The following SLC10A7 variants were observed in gnomAD, a reference collection of about 807,000 sequenced individuals.
SLC10A7 encodes sodium/bile acid cotransporter 7.
In SLC10A7, 29 loss-of-function variants were observed where a neutral mutation model predicts 43.2. The observed-to-expected ratio is 0.67, with a 90% CI of 0.50 to 0.92. The LOEUF is 0.92. SLC10A7 is among the 40% of genes least tolerant of loss of function. The pLI is 0.00. For missense variants in SLC10A7, 295 were observed against 403.2 expected (o/e 0.73, Z 2.30); for synonymous variants, 152 against 144.8 (o/e 1.05, Z -0.35).
At chr4:146,353,162 A>T (rs1223334821) in intron 5 of SLC10A7, among the ~76,000 whole-genome samples, 139 of 128,338 alleles carry the variant, frequency 1.1e-3, no homozygotes, top group African/African-American at 3.8e-3. Flanking sequence ...AGAAAAAAAG[A>T]GAGAAGAATC....
chr4:146,357,855 T>C (rs1735764779), intron 5 of SLC10A7, among the ~76,000 whole-genome samples: 1 of 152,142 alleles, frequency 6.6e-6, no homozygotes, highest in South Asian at 2.1e-4. Context: ...AAGTTCTTCC[T>C]TGGCCAGGCA....
intron 4 of SLC10A7, among the ~76,000 whole-genome samples, chr4:146,464,319 CAT>C (rs756851685): frequency 4.6e-5 from 7 of 152,092 alleles, no homozygotes; most frequent in Admixed American, 3.3e-4. Context: ...TTTCATTAAA[CAT>C]ATGTGCAGAT....
At chr4:146,279,382 A>C (rs1270246557) in intron 10 of SLC10A7, among the ~76,000 whole-genome samples, 1 of 152,210 alleles carries the variant, frequency 6.6e-6, no homozygotes, top group Non-Finnish European at 1.5e-5. Flanking sequence ...TGCCAATTCT[A>C]CAGGATATCT....
chr4:146,294,348 C>T (rs770993832), intron 7 of SLC10A7, among the ~76,000 whole-genome samples: 3 of 152,146 alleles, frequency 2.0e-5, no homozygotes, highest in Non-Finnish European at 4.4e-5. Context: ...CTTAATCATG[C>T]CAAATGCTCT....
At chr4:146,292,422 G>GA (rs1013243364) in intron 9 of SLC10A7, among the ~76,000 whole-genome samples, 10 of 149,172 alleles carry the variant, frequency 6.7e-5, no homozygotes, top group African/African-American at 2.2e-4. Context: ...TCGGGAAATT[G>GA]AAAAAAAAAT....
intron 5 of SLC10A7, among the ~76,000 whole-genome samples, chr4:146,422,243 G>T (rs936928707): frequency 6.6e-6 from 1 of 152,092 alleles, no homozygotes; most frequent in Admixed American, 6.6e-5. Context: ...TACAAAAAAA[G>T]AAATTTTTCC....
chr4:146,509,822 A>T, intron 3 of SLC10A7, 91 bp downstream of exon 3: 1 of 1,202,304 alleles, frequency 8.3e-7, no homozygotes, highest in Non-Finnish European at 1.2e-6. Context: ...TGGTACACAT[A>T]AGCCCTTTTG....
chr4:146,326,500 A>G (rs1469560100), intron 5 of SLC10A7, among the ~76,000 whole-genome samples: 1 of 152,196 alleles, frequency 6.6e-6, no homozygotes, highest in East Asian at 1.9e-4. Context: ...AACTCATTTC[A>G]CTTGATTAGA....
chr4:146,427,670 A>T (rs1337268197), intron 5 of SLC10A7, among the ~76,000 whole-genome samples: 1 of 152,212 alleles, frequency 6.6e-6, no homozygotes, highest in Non-Finnish European at 1.5e-5. Context: ...GAAATAAATG[A>T]AGAAAAGAGG....
Position 146,333,049 on chromosome 4 carries a change from A to G in SLC10A7, c.436-7053T>C, listed in dbSNP as rs78334258. ...ATCCTATATTACTGGTGCCGAGGGG[A>G]AAAGGTGAATATATGGTTTATGTCA... On this transcript the variant is annotated intron_variant, in intron 5 of 11. Transcript: ENST00000335472. 2.2e-3 allele frequency among the ~76,000 whole-genome samples: 333 copies of G among 152,256 alleles called. 3 individuals carry two copies. Among genetic ancestry groups the G allele is most frequent in the African/African-American group, 7.7e-3 (318 of 41,560 alleles).
chr4:146,388,857 C>A (rs1371894554), intron 5 of SLC10A7, among the ~76,000 whole-genome samples: 1 of 151,222 alleles, frequency 6.6e-6, no homozygotes, highest in Non-Finnish European at 1.5e-5. Context: ...ACTAAGTCCT[C>A]AAAAGAAAAT....
At chr4:146,463,226 ACTC>A (rs1432437647) in intron 4 of SLC10A7, among the ~76,000 whole-genome samples, 3 of 152,132 alleles carry the variant, frequency 2.0e-5, no homozygotes, top group East Asian at 1.9e-4. Context: ...TATTATGTGG[ACTC>A]CTCATCTTTA....
At chr4:146,306,403 AT>A (rs969413197) in intron 6 of SLC10A7, among the ~76,000 whole-genome samples, 3 of 152,244 alleles carry the variant, frequency 2.0e-5, no homozygotes, top group African/African-American at 7.2e-5. Flanking sequence ...TCAAGATAAC[AT>A]TTTTATTTAT....
chr4:146,268,028 G>A (rs1728671453), intron 10 of SLC10A7, among the ~76,000 whole-genome samples: 1 of 152,034 alleles, frequency 6.6e-6, no homozygotes, highest in Admixed American at 6.6e-5. Flanking sequence ...GGCATATGAG[G>A]GAAAGGAACA....
At chr4:146,320,244 T>C (rs1030660246) in intron 6 of SLC10A7, among the ~76,000 whole-genome samples, 4 of 151,992 alleles carry the variant, frequency 2.6e-5, no homozygotes, top group African/African-American at 9.7e-5. Context: ...TGCAGGAAGG[T>C]GAAGAGTTAA....
At chr4:146,347,419 T>G (rs1734701022) in intron 5 of SLC10A7, among the ~76,000 whole-genome samples, 1 of 152,182 alleles carries the variant, frequency 6.6e-6, no homozygotes, top group African/African-American at 2.4e-5. Context: ...CTTTCCTCAG[T>G]GCTAAAACTT....
chr4:146,413,707 C>T (rs78499507), intron 5 of SLC10A7, among the ~76,000 whole-genome samples: 12 of 152,098 alleles, frequency 7.9e-5, no homozygotes, highest in Non-Finnish European at 1.2e-4. Flanking sequence ...AGCCATTAAG[C>T]CTATCACCCA....
At chr4:146,467,454 AACACACACACACACAC>A (rs35773390) in intron 4 of SLC10A7, among the ~76,000 whole-genome samples, 2,872 of 140,798 alleles carry the variant, frequency 0.02, 65 homozygotes, top group African/African-American at 0.063. Context: ...AGCAGGTTTA[AACACACACACACACAC>A]ACACACACAC....
At chr4:146,448,354 C>G (rs1159551317) in intron 4 of SLC10A7, among the ~76,000 whole-genome samples, 3 of 152,096 alleles carry the variant, frequency 2.0e-5, no homozygotes, top group Non-Finnish European at 4.4e-5. Context: ...CTACCATAAG[C>G]CTGAAATCTA....
Sources: allele counts gnomAD v4.1 joint callset (sites outside exome capture counted in the v4.1 genomes callset), GRCh38; gene constraint gnomAD v4.1.1; transcripts MANE v1.5; gene names NCBI Gene and HGNC (gene_info 2026-07-23, HGNC 2026-07-21).